The following DDX10 variants were observed in gnomAD, a reference collection of about 807,000 sequenced individuals.
DDX10 encodes the protein probable ATP-dependent RNA helicase DDX10.
Under a neutral mutation model 104.3 loss-of-function variants are expected in DDX10, and 74 were observed. The ratio of observed to expected loss-of-function variants is 0.71; its 90% confidence interval spans 0.59 to 0.86. DDX10 has a LOEUF of 0.86. Among genes scored for constraint, DDX10 ranks in the 40% least tolerant of loss-of-function variants. The pLI, the probability that DDX10 is intolerant of heterozygous loss-of-function variation, is 0.00. For missense variants in DDX10, 952 were observed against 1,040.0 expected (o/e 0.92, Z 1.16); for synonymous variants, 351 against 353.4 (o/e 0.99, Z 0.08).
At chr11:108,854,728 A>ATT (rs5794608) in intron 16 of DDX10, among the ~76,000 whole-genome samples, 93 of 150,028 alleles carry the variant, frequency 6.2e-4, no homozygotes, top group Non-Finnish European at 8.3e-4. Context: ...AGGACACAGT[A>ATT]TTTTTTTTTT....
At chr11:108,731,051 G>A (rs1221234834) in intron 13 of DDX10, among the ~76,000 whole-genome samples, 4 of 148,000 alleles carry the variant, frequency 2.7e-5, no homozygotes, top group African/African-American at 7.3e-5. Context: ...GCTAATTGCC[G>A]TTTCTTTTTT....
chr11:108,705,740 A>G (rs1377879143), intron 9 of DDX10, among the ~76,000 whole-genome samples: 1 of 152,140 alleles, frequency 6.6e-6, no homozygotes, highest in Non-Finnish European at 1.5e-5. Context: ...TATTTAAAAA[A>G]TTTCTCCAAG....
At chr11:108,720,502 G>GTTAC (rs1231269286) in intron 12 of DDX10, among the ~76,000 whole-genome samples, 1 of 152,194 alleles carries the variant, frequency 6.6e-6, no homozygotes, top group African/African-American at 2.4e-5. Flanking sequence ...GGTACTCATA[G>GTTAC]TTACTATGGC....
chr11:108,897,770 A>T (rs1234240555), intron 16 of DDX10, among the ~76,000 whole-genome samples: 1 of 152,050 alleles, frequency 6.6e-6, no homozygotes, highest in African/African-American at 2.4e-5. Context: ...CATAAATACA[A>T]ATAAGGCAAC....
At chr11:108,846,040 A>G (rs1862712865) in intron 15 of DDX10, among the ~76,000 whole-genome samples, 1 of 152,200 alleles carries the variant, frequency 6.6e-6, no homozygotes, top group African/African-American at 2.4e-5. Context: ...TATAATTTCT[A>G]ATGTGATTCA....
intron 13 of DDX10, among the ~76,000 whole-genome samples, chr11:108,833,804 AT>A (rs1203546304): frequency 1.3e-5 from 2 of 151,468 alleles, no homozygotes; most frequent in African/African-American, 4.9e-5. Context: ...CATTTTTCTG[AT>A]TTTTCCCCCT....
intron 16 of DDX10, among the ~76,000 whole-genome samples, chr11:108,863,395 A>G (rs541866439): frequency 1.3e-5 from 2 of 152,210 alleles, no homozygotes; most frequent in Non-Finnish European, 2.9e-5. Flanking sequence ...TGAGATGATT[A>G]CTGTTAGAAT....
chr11:108,863,789 T>C (rs529891038), intron 16 of DDX10, among the ~76,000 whole-genome samples: 94 of 152,042 alleles, frequency 6.2e-4, no homozygotes, highest in African/African-American at 1.9e-3. Context: ...AAAAAAAATA[T>C]TGTCCTCTCT....
chr11:108,723,164 T>C lies in DDX10; in HGVS notation c.1667T>C (p.Met556Thr). Residue 556 changes from methionine (M) to threonine (T), a missense_variant, in exon 13 of 18, where the codon ATG becomes ACG. Met to Thr is a moderately conservative substitution (Grantham distance 81, BLOSUM62 -1). Around this residue, in one of 3 missense-constraint regions of DDX10, gnomAD observed 533 missense variants for 534.1 expected, o/e 1.00. Transcript: ENST00000322536. ...EEFRAYFNEKMSILQKGGKRL... is the reference protein window; with the variant it reads ...EEFRAYFNEKTSILQKGGKRL... ...TTTAGAGCCTACTTCAATGAGAAAA[T>C]GTCCATCCTTCAAAAAGGTGGAAAA... 6.2e-7 allele frequency: 1 copy of C among 1,613,606 alleles called. No individual in the cohort carries two copies. The highest frequency in any genetic ancestry group is 8.5e-7 in the Non-Finnish European group (1 of 1,179,862).
At chr11:108,704,716 A>G (rs2094273458) in intron 9 of DDX10, among the ~76,000 whole-genome samples, 1 of 152,206 alleles carries the variant, frequency 6.6e-6, no homozygotes, top group African/African-American at 2.4e-5. Flanking sequence ...ATTTTGTGTT[A>G]AAATACTATG....
chr11:108,858,092 G>A (rs188727896), intron 16 of DDX10, among the ~76,000 whole-genome samples: 1 of 152,298 alleles, frequency 6.6e-6, no homozygotes, highest in Non-Finnish European at 1.5e-5. Context: ...AGCCCAGGAA[G>A]ACCTGTTAAA....
chr11:108,917,030 A>T (rs898384927), intron 16 of DDX10, among the ~76,000 whole-genome samples: 1 of 151,830 alleles, frequency 6.6e-6, no homozygotes, highest in African/African-American at 2.4e-5. Flanking sequence ...TAGAAGACCC[A>T]TCACTACAAA....
intron 13 of DDX10, among the ~76,000 whole-genome samples, chr11:108,786,322 T>G (rs983155232): frequency 7.9e-5 from 12 of 151,732 alleles, no homozygotes; most frequent in African/African-American, 2.9e-4. Context: ...ACAATGTATA[T>G]TCTATGGTTG....
intron 13 of DDX10, among the ~76,000 whole-genome samples, chr11:108,791,041 A>C (rs974393796): frequency 3.3e-5 from 5 of 152,192 alleles, no homozygotes; most frequent in African/African-American, 1.2e-4. Context: ...AACGAGGTGG[A>C]GTCTGTGTCC....
intron 9 of DDX10, among the ~76,000 whole-genome samples, chr11:108,705,452 C>T (rs900112833): frequency 9.2e-5 from 14 of 152,136 alleles, no homozygotes; most frequent in African/African-American, 3.1e-4. Context: ...GGCCTCTTTT[C>T]CTTTCTGAGT....
chr11:108,841,009 T>C (rs948301677), intron 14 of DDX10, among the ~76,000 whole-genome samples: 2 of 152,188 alleles, frequency 1.3e-5, no homozygotes, highest in African/African-American at 4.8e-5. Flanking sequence ...GTGTGGAGAA[T>C]AGGATACTAA....
At chr11:108,930,654 A>G (rs1289481070) in intron 17 of DDX10, among the ~76,000 whole-genome samples, 1 of 152,230 alleles carries the variant, frequency 6.6e-6, no homozygotes, top group Admixed American at 6.5e-5. Flanking sequence ...CCCCACCAGC[A>G]TCTTGTATTG....
chr11:108,934,634 T>G (rs867978000), intron 17 of DDX10, among the ~76,000 whole-genome samples: 2 of 152,208 alleles, frequency 1.3e-5, no homozygotes, highest in African/African-American at 2.4e-5. Context: ...CCTTTAAGTA[T>G]TTTAAATTTA....
rs1862620900 is a variant in DDX10, at chr11:108,840,419, CAA to C, written c.2086-895_2086-894del. 1.1e-4 allele frequency among the ~76,000 whole-genome samples: 13 copies of C among 117,176 alleles called. No individual in the cohort carries two copies. The South Asian group carries it at 3.2e-3, about 29-fold the overall frequency. The allele number at this position is 117,176 out of a possible 152,430, so 76.9% of individuals were successfully genotyped here. A position where few individuals can be genotyped will look rare whatever the true frequency, so the allele number is the denominator to read the frequency against. ...TCTGGCAACTAATTATTAGATAAAACAAGAGTTATTGTTGTCTGAATTGTCTA... is the reference window on the plus strand; with the variant it reads ...TCTGGCAACTAATTATTAGATAAAACGAGTTATTGTTGTCTGAATTGTCTA... On this transcript the variant is annotated intron_variant, in intron 14 of 17. Coordinates refer to ENST00000322536, the MANE Select transcript of DDX10 (RefSeq NM_004398.4).
Sources: allele counts gnomAD v4.1 joint callset (sites outside exome capture counted in the v4.1 genomes callset), GRCh38; gene constraint gnomAD v4.1.1; regional missense constraint gnomAD v4.1.1; transcripts MANE v1.5; gene names NCBI Gene and HGNC (gene_info 2026-07-23, HGNC 2026-07-21).